POU6F2: variants seen among roughly 807,000 people sequenced by gnomAD.
POU6F2 encodes the protein POU domain, class 6, transcription factor 2.
A neutral mutation model predicts 71.3 loss-of-function variants in POU6F2; 31 were observed. The observed-to-expected ratio is 0.43, with a 90% CI of 0.33 to 0.59. The LOEUF is 0.59. POU6F2 is among the 20% of genes least tolerant of loss of function. The pLI is 0.04. For missense variants in POU6F2, 783 were observed against 856.8 expected (o/e 0.91, Z 1.07); for synonymous variants, 347 against 355.7 (o/e 0.98, Z 0.27).
At chr7:39,258,712 A>AAAAG (rs1554336017) in intron 4 of POU6F2, among the ~76,000 whole-genome samples, 17 of 151,836 alleles carry the variant, frequency 1.1e-4, no homozygotes, top group South Asian at 2.1e-4. Context: ...AAAAAAAAAA[A>AAAAG]AAGAAGAAGA....
At chr7:39,346,171 A>G (rs1786029716) in intron 5 of POU6F2, among the ~76,000 whole-genome samples, 1 of 152,234 alleles carries the variant, frequency 6.6e-6, no homozygotes, top group Non-Finnish European at 1.5e-5. Context: ...TCCAGGAGGA[A>G]CAACAAAGTT....
chr7:39,167,099 A>T (rs1793129321), intron 2 of POU6F2, among the ~76,000 whole-genome samples: 1 of 152,202 alleles, frequency 6.6e-6, no homozygotes, highest in Non-Finnish European at 1.5e-5. Context: ...CTTTGTGTAT[A>T]TCCAAACAAA....
At chr7:39,054,929 C>T (rs1177398804) in intron 1 of POU6F2, among the ~76,000 whole-genome samples, 1 of 151,952 alleles carries the variant, frequency 6.6e-6, no homozygotes, top group African/African-American at 2.4e-5. Flanking sequence ...AATGATTACT[C>T]ATTACCCTCA....
At chr7:39,228,515 G>A (rs898598532) in intron 4 of POU6F2, among the ~76,000 whole-genome samples, 1 of 152,112 alleles carries the variant, frequency 6.6e-6, no homozygotes, top group African/African-American at 2.4e-5. Context: ...CTGCATATTC[G>A]GTTCATAACA....
chr7:39,309,332 T>G (rs1277331626), intron 4 of POU6F2, among the ~76,000 whole-genome samples: 3 of 152,170 alleles, frequency 2.0e-5, no homozygotes, highest in Non-Finnish European at 4.4e-5. Context: ...GAAAAACATT[T>G]GCTCTCTGTC....
chr7:39,390,439 A>T (rs1787044740), intron 5 of POU6F2, among the ~76,000 whole-genome samples: 1 of 152,194 alleles, frequency 6.6e-6, no homozygotes, highest in Non-Finnish European at 1.5e-5. Context: ...GCTTAATGGT[A>T]AGGCAAGGCA....
chr7:39,010,033 C>A (rs998351823), intron 1 of POU6F2, among the ~76,000 whole-genome samples: 1 of 149,182 alleles, frequency 6.7e-6, no homozygotes, highest in African/African-American at 2.5e-5. Context: ...TGATGCTGGC[C>A]TCATAAAATG....
chr7:39,064,267 T>C (rs529782319), intron 1 of POU6F2, among the ~76,000 whole-genome samples: 1 of 152,146 alleles, frequency 6.6e-6, no homozygotes, highest in Non-Finnish European at 1.5e-5. Flanking sequence ...TTGGTGGTTG[T>C]ATAAAGCTAC....
At chr7:39,090,922 A>G (rs990792939) in intron 2 of POU6F2, among the ~76,000 whole-genome samples, 1 of 151,770 alleles carries the variant, frequency 6.6e-6, no homozygotes, top group African/African-American at 2.4e-5. Flanking sequence ...AGTCAAACAA[A>G]CCCTTGTCAT....
intron 4 of POU6F2, among the ~76,000 whole-genome samples, chr7:39,294,885 A>T (rs1326340891): frequency 2.6e-5 from 4 of 152,170 alleles, no homozygotes; most frequent in Non-Finnish European, 4.4e-5. Flanking sequence ...TGAGCCCACA[A>T]CATGAGAACA....
At chr7:39,120,511 AG>A (rs1792019761) in intron 2 of POU6F2, among the ~76,000 whole-genome samples, 1 of 152,212 alleles carries the variant, frequency 6.6e-6, no homozygotes, top group Non-Finnish European at 1.5e-5. Context: ...TGATTTTCAT[AG>A]CTAGTCTGTA....
chr7:39,369,083 G>A (rs559822322), intron 5 of POU6F2, among the ~76,000 whole-genome samples: 1 of 152,302 alleles, frequency 6.6e-6, no homozygotes, highest in South Asian at 2.1e-4. Context: ...GAAGAAAGTG[G>A]TTCCTTGAGA....
intron 5 of POU6F2, among the ~76,000 whole-genome samples, chr7:39,362,342 G>A (rs1318548335): frequency 4.6e-5 from 7 of 151,352 alleles, no homozygotes; most frequent in Non-Finnish European, 7.4e-5. Flanking sequence ...CATATAAGGA[G>A]AATTGAGTAG....
intron 4 of POU6F2, among the ~76,000 whole-genome samples, chr7:39,296,803 C>A (rs1197410028): frequency 6.6e-6 from 1 of 152,200 alleles, no homozygotes; most frequent in East Asian, 1.9e-4. Context: ...ATAGGTTCTA[C>A]ACCTGGTTTT....
chr7:39,316,814 A>C (rs145693998), intron 4 of POU6F2, among the ~76,000 whole-genome samples: 224 of 150,860 alleles, frequency 1.5e-3, no homozygotes, highest in African/African-American at 4.9e-3. Context: ...GAAATGTTAC[A>C]ATTATTAGTT....
chr7:39,149,183 G>A (rs1330302491), intron 2 of POU6F2, among the ~76,000 whole-genome samples: 2 of 152,040 alleles, frequency 1.3e-5, no homozygotes, highest in Non-Finnish European at 1.5e-5. Context: ...TGTCTCCCTC[G>A]GTACCTCAGG....
intron 2 of POU6F2, among the ~76,000 whole-genome samples, chr7:39,092,576 A>G (rs1791379685): frequency 6.6e-6 from 1 of 152,188 alleles, no homozygotes; most frequent in Non-Finnish European, 1.5e-5. Flanking sequence ...TTCTTTGGGA[A>G]TACCTTCAAG....
chr7:39,284,478 C>G (rs1487897320), intron 4 of POU6F2, among the ~76,000 whole-genome samples: 1 of 152,176 alleles, frequency 6.6e-6, no homozygotes, highest in African/African-American at 2.4e-5. Context: ...ATTATAACTA[C>G]TTTAATGTAC....
At chr7:39,109,573 AGTTAGTCCTGGTGTATGAGC>A in intron 2 of POU6F2, among the ~76,000 whole-genome samples, 1 of 152,116 alleles carries the variant, frequency 6.6e-6, no homozygotes, top group Admixed American at 6.6e-5. Flanking sequence ...TATTCTCTTA[AGTTAGTCCTGGTGTATGAGC>A]TTATAATATT....
Sources: gnomAD v4.1 joint callset for allele counts (sites outside exome capture counted in the v4.1 genomes callset) on GRCh38, gnomAD v4.1.1 for gene constraint, MANE v1.5 for transcripts, NCBI Gene and HGNC (gene_info 2026-07-23, HGNC 2026-07-21) for gene names.